Variants in CSMD2 observed in about 807,000 individuals in gnomAD.
CSMD2 encodes CUB and Sushi multiple domains 2.
Under a neutral mutation model 398.5 loss-of-function variants are expected in CSMD2, and 130 were observed. The ratio of observed to expected loss-of-function variants is 0.33; its 90% CI spans 0.28 to 0.38. The LOEUF is 0.38. Among genes scored for constraint, CSMD2 ranks in the 10% least tolerant of loss-of-function variants. CSMD2 has a pLI of 1.00. For synonymous variants in CSMD2, 1,828 were observed against 1,908.5 expected (o/e 0.96, Z 1.10); for missense variants, 3,829 against 4,764.9 (o/e 0.80, Z 5.78).
intron 3 of CSMD2, among the ~76,000 whole-genome samples, chr1:34,015,828 T>C (rs181002453): frequency 6.6e-6 from 1 of 152,286 alleles, no homozygotes; most frequent in African/African-American, 2.4e-5. Context: ...AGAAAGCATC[T>C]AGAGCAAGCC....
intron 4 of CSMD2, among the ~76,000 whole-genome samples, chr1:33,930,360 T>G (rs1055541521): frequency 6.6e-6 from 1 of 152,180 alleles, no homozygotes; most frequent in African/African-American, 2.4e-5. Flanking sequence ...TCTGACTCTA[T>G]GCACTGTCCA....
intron 2 of CSMD2, among the ~76,000 whole-genome samples, chr1:34,047,717 T>C (rs1160842138): frequency 1.3e-5 from 2 of 152,186 alleles, no homozygotes; most frequent in Admixed American, 1.3e-4. Flanking sequence ...TGCACCAGCC[T>C]GAGCTGATCT....
At chr1:33,827,782 G>A (rs1658997153) in intron 6 of CSMD2, among the ~76,000 whole-genome samples, 1 of 152,144 alleles carries the variant, frequency 6.6e-6, no homozygotes, top group Non-Finnish European at 1.5e-5. Context: ...AGTGGTTTAG[G>A]TGACTTGCTG....
intron 25 of CSMD2, among the ~76,000 whole-genome samples, chr1:33,669,230 G>A (rs1571157487): frequency 6.6e-6 from 1 of 152,280 alleles, no homozygotes; most frequent in South Asian, 2.1e-4. Flanking sequence ...GAAGAGGCAA[G>A]GAAAGCTTCA....
rs59068586 is a variant in CSMD2 at position 33,581,529 on chromosome 1, C to CAAA, written c.7241-633_7241-631dup. Reference sequence around the variant, plus strand: ...TGGGTGACAGAGAAAGACTCAGTCTCAAAAAAAAAAAAAAAAAAAAAAAAA... The same window carrying CAAA: ...TGGGTGACAGAGAAAGACTCAGTCTCAAAAAAAAAAAAAAAAAAAAAAAAAAAA... On this transcript the variant is annotated intron_variant, in intron 47 of 70. Transcript: ENST00000373381. 8.9e-3 allele frequency among the ~76,000 whole-genome samples: 328 copies of CAAA among 36,844 alleles called. 17 individuals are homozygous for CAAA. The highest frequency in any genetic ancestry group is 0.015 in the East Asian group (12 of 778). 24.2% of individuals were successfully genotyped at this position (36,844 alleles called of 152,430 possible). A position where few individuals can be genotyped will look rare whatever the true frequency, so the allele number is the denominator to read the frequency against.
chr1:33,746,202 G>C (rs1372278), intron 13 of CSMD2, among the ~76,000 whole-genome samples: 50,468 of 152,062 alleles, frequency 0.33, 10,458 homozygotes, highest in African/African-American at 0.59. Flanking sequence ...GCTGGACATG[G>C]ATGCCCCCAC....
At chr1:34,007,299 G>A (rs1415921896) in intron 3 of CSMD2, among the ~76,000 whole-genome samples, 3 of 152,144 alleles carry the variant, frequency 2.0e-5, no homozygotes, top group Non-Finnish European at 4.4e-5. Flanking sequence ...CTCTGTGGAT[G>A]GGAAGCAGGC....
At chr1:33,753,140 A>G (rs1462584960) in intron 13 of CSMD2, among the ~76,000 whole-genome samples, 1 of 152,242 alleles carries the variant, frequency 6.6e-6, no homozygotes, top group Non-Finnish European at 1.5e-5. Flanking sequence ...TAGAGCAACC[A>G]CTTGCTAGAG....
intron 10 of CSMD2, among the ~76,000 whole-genome samples, chr1:33,806,076 G>C (rs763317927): frequency 6.6e-6 from 1 of 152,104 alleles, no homozygotes; most frequent in Non-Finnish European, 1.5e-5. Flanking sequence ...GAGGGAACAG[G>C]AGACAAAATT....
chr1:33,684,060 A>G (rs1340937566), intron 25 of CSMD2, among the ~76,000 whole-genome samples: 1 of 152,144 alleles, frequency 6.6e-6, no homozygotes, highest in African/African-American at 2.4e-5. Flanking sequence ...TGCTGGCTGG[A>G]GGGAGGCAAC....
At chr1:33,864,245 CTTT>C in intron 5 of CSMD2, 1 of 1,613,178 alleles carries the variant, frequency 6.2e-7, no homozygotes, top group South Asian at 1.1e-5. Flanking sequence ...CTTACGTTCA[CTTT>C]TTGCTGAATT....
chr1:33,701,469 G>A (rs1369284725), intron 22 of CSMD2, among the ~76,000 whole-genome samples: 2 of 152,244 alleles, frequency 1.3e-5, no homozygotes, highest in Non-Finnish European at 2.9e-5. Context: ...TTGTGATTGA[G>A]TGAAAGACCC....
At chr1:33,907,872 A>G (rs1210681954) in intron 5 of CSMD2, among the ~76,000 whole-genome samples, 1 of 152,056 alleles carries the variant, frequency 6.6e-6, no homozygotes, top group Admixed American at 6.5e-5. Flanking sequence ...GGCTCACCTG[A>G]GGTCAGGAGT....
Position 33,527,224 on chromosome 1 carries a change from G to C in CSMD2, c.10206C>G (p.Ala3402=). The C allele has an allele frequency of 6.2e-7, 1 of 1,614,064 alleles. No individual in the cohort carries two copies. Among genetic ancestry groups the C allele is most frequent in the Non-Finnish European group, 8.5e-7 (1 of 1,179,962 alleles). Residue 3402 remains alanine, a synonymous_variant, in exon 65 of 71, where the codon GCC becomes GCG. Coordinates refer to ENST00000373381, the MANE Select transcript of CSMD2 (RefSeq NM_001281956.2). ...VRPSGRPINT[A]REPPLTQALI... ...AGGCTTGGGTGAGCGGTGGCTCCCG[G>C]GCAGTGTTGATGGGTCTCCCACTGG...
chr1:33,790,769 CATCT>C (rs138077178), intron 11 of CSMD2, among the ~76,000 whole-genome samples: 3,338 of 151,886 alleles, frequency 0.022, 112 homozygotes, highest in African/African-American at 0.075. Context: ...TATCATCTAT[CATCT>C]ATCAATCAAT....
intron 1 of CSMD2, among the ~76,000 whole-genome samples, chr1:34,153,959 A>C (rs963385405): frequency 4.6e-5 from 7 of 152,258 alleles, no homozygotes; most frequent in African/African-American, 1.4e-4. Flanking sequence ...TGGATTAAAG[A>C]CTAGAAGAAG....
rs1212542657 is a variant in CSMD2, at chr1:33,717,004, G to A, written c.3002-503C>T. On this transcript the variant is annotated intron_variant, in intron 19 of 70. Transcript: ENST00000373381. ...AGAAAGCAGTTGACAGCAGGAAGAG[G>A]CAGGTGGAGGATGGCTTCACCAAGG... is the stretch of plus-strand genomic sequence containing the variant. Among the ~76,000 whole-genome samples, 3 of 152,184 alleles carry A rather than the reference G, an allele frequency of 2.0e-5. No individual in the cohort carries two copies. In the East Asian group the frequency reaches 5.8e-4, roughly 29 times the overall value.
chr1:33,644,939 C>A (rs1643332217), intron 29 of CSMD2, among the ~76,000 whole-genome samples: 1 of 152,120 alleles, frequency 6.6e-6, no homozygotes, highest in Non-Finnish European at 1.5e-5. Flanking sequence ...AAAACATTCT[C>A]CATTTTGCAC....
At chr1:33,712,451 C>T (rs547449664) in intron 21 of CSMD2, among the ~76,000 whole-genome samples, 11 of 152,300 alleles carry the variant, frequency 7.2e-5, no homozygotes, top group Admixed American at 1.3e-4. Context: ...GAGCAGCCCC[C>T]GGTGGGCATT....
Sources: gnomAD v4.1 joint callset for allele counts (sites outside exome capture counted in the v4.1 genomes callset) on GRCh38, gnomAD v4.1.1 for gene constraint, MANE v1.5 for transcripts, NCBI Gene and HGNC (gene_info 2026-07-23, HGNC 2026-07-21) for gene names.